FAT2: variants seen among roughly 807,000 people sequenced by gnomAD.
The protein encoded by FAT2 is FAT atypical cadherin 2, also known as protocadherin Fat 2.
Under a neutral mutation model 295.3 loss-of-function variants are expected in FAT2, and 150 were observed. The ratio of observed to expected loss-of-function variants is 0.51; its 90% CI spans 0.44 to 0.58. The LOEUF (loss-of-function observed/expected upper bound fraction) is 0.58. Ranked by LOEUF, FAT2 falls within the 20% of genes least tolerant of loss-of-function variation. The pLI is 0.00. For synonymous variants in FAT2, 2,026 were observed against 2,150.3 expected (o/e 0.94, Z 1.60); for missense variants, 4,868 against 5,442.7 (o/e 0.89, Z 3.32).
chr5:151,580,931 C>T (rs902583712), intron 1 of FAT2, among the ~76,000 whole-genome samples: 1 of 152,106 alleles, frequency 6.6e-6, no homozygotes, highest in Non-Finnish European at 1.5e-5. Context: ...GGCCCTGTGG[C>T]CAACAGCAAA....
At position 151,545,016 on chromosome 5, in the gene FAT2, C is replaced by G; in HGVS notation, c.6111G>C (p.Glu2037Asp). The G allele has an allele frequency of 6.2e-7, 1 of 1,614,222 alleles. No individual in the cohort carries two copies. The highest frequency in any genetic ancestry group is 8.5e-7 in the Non-Finnish European group (1 of 1,180,040). The stretch of plus-strand genomic sequence containing the variant: ...GATTGTCCCTCACTTCCACTGCCAA[C>G]TCATGAGTGTCCTGCTGCTCCCGGT... ...AFDREQQDTH[E>D]LAVEVRDNRT... The change falls in exon 10 of 24, where the codon GAG (glutamate) becomes GAC (aspartate). Residue 2037 changes from glutamate to aspartate, a missense_variant. Coordinates refer to ENST00000261800, the MANE Select transcript of FAT2 (RefSeq NM_001447.3).
At chr5:151,506,120 G>T (rs752293143) in intron 23 of FAT2, 23 bp from the exon 24 acceptor site, 41 of 1,488,742 alleles carry the variant, frequency 2.8e-5, no homozygotes, top group Non-Finnish European at 3.4e-5. Flanking sequence ...AGCAAGATAG[G>T]GTGAGCTCAT....
At chr5:151,559,740 CCTT>C (rs1757941878) in intron 3 of FAT2, among the ~76,000 whole-genome samples, 1 of 152,004 alleles carries the variant, frequency 6.6e-6, no homozygotes, top group East Asian at 1.9e-4. Flanking sequence ...CCTCCCCTGA[CCTT>C]CTAAGGTCCT....
chr5:151,561,215 C>T (rs1189962097), intron 3 of FAT2, among the ~76,000 whole-genome samples: 3 of 152,168 alleles, frequency 2.0e-5, no homozygotes, highest in Non-Finnish European at 4.4e-5. Flanking sequence ...AGAAGAGTCC[C>T]CTGTTAAACA....
chr5:151,529,204 C>G lies in FAT2; in HGVS notation c.10000G>C (p.Ala3334Pro), dbSNP rs1234012337. 6.2e-7 allele frequency: 1 copy of G among 1,614,120 alleles called. No homozygotes were observed. The highest frequency in any genetic ancestry group is 8.5e-7 in the Non-Finnish European group (1 of 1,179,996). The stretch of plus-strand genomic sequence containing the variant: ...GTGAGGATGACGTCACCCACAAGGG[C>G]ATTCTCTAAGACCCTTGTGCTATAT... ...DPYSTRVLENALVGDVILTVS... is the reference protein window; with the variant it reads ...DPYSTRVLENPLVGDVILTVS... The change falls in exon 15 of 24, where the codon GCC becomes CCC. Residue 3334 changes from alanine to proline, a missense_variant. Physicochemically the swap from Ala to Pro is conservative, Grantham distance 27. This residue lies in a region of FAT2 where 1,046 missense variants were observed against 1,210.1 expected (regional missense o/e 0.86). Transcript: ENST00000261800.
intron 5 of FAT2, 108 bp from the exon 6 acceptor site, chr5:151,553,495 C>G (rs1757408057): frequency 4.3e-6 from 4 of 923,266 alleles, no homozygotes; most frequent in Middle Eastern, 3.2e-4. Flanking sequence ...AAGCAGGCCT[C>G]TCATCCAGTC....
chr5:151,579,155 G>A (rs991417445), intron 1 of FAT2, among the ~76,000 whole-genome samples: 1 of 152,152 alleles, frequency 6.6e-6, no homozygotes, highest in African/African-American at 2.4e-5. Flanking sequence ...CTCTCTGGTT[G>A]GAAGGCAAGT....
chr5:151,556,389 T>G lies in FAT2; in HGVS notation c.3588A>C (p.Thr1196=), dbSNP rs1757695492. Residue 1196 remains threonine (T), a synonymous_variant, in exon 4 of 24, where the codon ACA becomes ACC. Coordinates refer to ENST00000261800, the MANE Select transcript of FAT2 (RefSeq NM_001447.3). Reference sequence around the variant, plus strand: ...TGTTCTCTCTGTCCAGCTGCTGGGCTGTAGATAGGAGACCTGAGAGAGAGA... The same window carrying G: ...TGTTCTCTCTGTCCAGCTGCTGGGCGGTAGATAGGAGACCTGAGAGAGAGA... ...MIHPVTGLLS[T]AQQLDRENKD... 2.5e-6 allele frequency: 4 copies of G among 1,613,722 alleles called. No homozygotes were observed. The highest frequency in any genetic ancestry group is 2.5e-6 in the Non-Finnish European group (3 of 1,179,772).
At chr5:151,572,976 G>A (rs1344212038) in intron 1 of FAT2, among the ~76,000 whole-genome samples, 1 of 152,236 alleles carries the variant, frequency 6.6e-6, no homozygotes, top group African/African-American at 2.4e-5. Flanking sequence ...TTTACAAGAG[G>A]GCACACATGC....
chr5:151,568,123 G>A lies in FAT2; in HGVS notation c.809C>T (p.Thr270Ile), dbSNP rs1488609608. ...ATCGACCAGTACAGTGGCATAGGTG[G>A]TACCATCATTGCTGTCTGGTGGAGT... ...VVTPPDSNDG[T>I]TYATVLVDAN... is the part of the protein sequence containing the mutation. The change falls in exon 2 of 24, where the codon ACC becomes ATC. Residue 270 changes from threonine (T) to isoleucine (I), a missense_variant. Transcript: ENST00000261800. 41 of 1,614,034 alleles carry A rather than the reference G, an allele frequency of 2.5e-5. No homozygotes were observed. The highest frequency in any genetic ancestry group is 3.5e-5 in the Non-Finnish European group (41 of 1,180,034).
At position 151,540,780 on chromosome 5, in the gene FAT2, G is replaced by C. The variant is rs2127602973; in HGVS notation, c.8843-17C>G. 1 of 1,597,852 alleles carries C rather than the reference G, an allele frequency of 6.3e-7. No individual in the cohort carries two copies. Among genetic ancestry groups the C allele is most frequent in the Non-Finnish European group, 8.6e-7 (1 of 1,168,288 alleles). On this transcript the variant is annotated splice_polypyrimidine_tract_variant and intron_variant, in intron 10 of 23. Transcript: ENST00000261800. ...GGTCTCCCTCTAAACAGATGGGGCA[G>C]AGCTTTCAGAAGCCAAGCAATAGGA...
intron 5 of FAT2, among the ~76,000 whole-genome samples, chr5:151,553,866 T>G (rs752707435): frequency 4.6e-5 from 7 of 152,200 alleles, no homozygotes; most frequent in Non-Finnish European, 1.0e-4. Flanking sequence ...AAACTAAGGC[T>G]CAGTGTGGTC....
Position 151,567,555 on chromosome 5 carries a change from G to A in FAT2, c.1377C>T (p.Asn459=), listed in dbSNP as rs1010087195. 6.2e-7 allele frequency: 1 copy of A among 1,614,186 alleles called. No individual in the cohort carries two copies. The highest frequency in any genetic ancestry group is 1.1e-5 in the South Asian group (1 of 91,070). ...VDCNNHAPLF[N]RSSYDGTLDE... The stretch of plus-strand genomic sequence containing the variant: ...CCAAGGTACCATCATAGGAAGACCT[G>A]TTGAAGAGGGGGGCATGGTTGTTGC... The change falls in exon 2 of 24, where the codon AAC becomes AAT. Residue 459 remains asparagine (N), a synonymous_variant. Coordinates refer to ENST00000261800, the MANE Select transcript of FAT2 (RefSeq NM_001447.3).
intron 1 of FAT2, among the ~76,000 whole-genome samples, chr5:151,581,694 T>C (rs1368005585): frequency 6.6e-6 from 1 of 152,178 alleles, no homozygotes; most frequent in Non-Finnish European, 1.5e-5. Flanking sequence ...GTTATTTAAC[T>C]CCTGAGATCA....
At chr5:151,563,290 G>A (rs763592713) in intron 3 of FAT2, 35 bp downstream of exon 3, 2 of 1,595,930 alleles carry the variant, frequency 1.3e-6, no homozygotes, top group Admixed American at 3.4e-5. Flanking sequence ...CACCATTGTA[G>A]AGATCCCTGT....
chr5:151,581,170 C>A (rs2127660045), intron 1 of FAT2, among the ~76,000 whole-genome samples: 1 of 152,288 alleles, frequency 6.6e-6, no homozygotes, highest in South Asian at 2.1e-4. Context: ...TTGAGCAAAT[C>A]ATGGGACCTG....
intron 1 of FAT2, among the ~76,000 whole-genome samples, chr5:151,582,467 C>A (rs533227437): frequency 6.6e-6 from 1 of 152,288 alleles, no homozygotes; most frequent in South Asian, 2.1e-4. Context: ...ATATTCCCAG[C>A]CCTACCCCAG....
intron 3 of FAT2, among the ~76,000 whole-genome samples, chr5:151,557,004 T>C (rs942864129): frequency 2.0e-5 from 3 of 152,160 alleles, no homozygotes; most frequent in African/African-American, 7.2e-5. Context: ...AGTTCCCAGC[T>C]ACTTCCTGCT....
intron 1 of FAT2, among the ~76,000 whole-genome samples, chr5:151,572,451 C>T (rs1211020117): frequency 6.6e-6 from 1 of 152,226 alleles, no homozygotes; most frequent in Non-Finnish European, 1.5e-5. Context: ...TTCTTTCCTC[C>T]TGACTGTGCT....
Sources: gnomAD v4.1 joint callset for allele counts (sites outside exome capture counted in the v4.1 genomes callset) on GRCh38, gnomAD v4.1.1 for gene constraint, gnomAD v4.1.1 regional missense constraint, MANE v1.5 for transcripts, NCBI Gene and HGNC (gene_info 2026-07-23, HGNC 2026-07-21) for gene names.